The following DSCAM variants were observed in gnomAD, a reference collection of about 807,000 sequenced individuals.
DSCAM encodes the protein DS cell adhesion molecule, also known as cell adhesion molecule DSCAM.
Under a neutral mutation model 217.7 loss-of-function variants are expected in DSCAM, and 47 were observed. The observed-to-expected ratio is 0.22, with a 90% CI of 0.17 to 0.28. The LOEUF is 0.28. Ranked by LOEUF, DSCAM falls within the 10% of genes least tolerant of loss-of-function variation. The pLI is 1.00. For missense variants in DSCAM, 2,080 were observed against 2,618.3 expected (o/e 0.79, Z 4.49); for synonymous variants, 1,056 against 1,015.3 (o/e 1.04, Z -0.76).
At chr21:40,738,605 T>TC (rs1414756308) in intron 1 of DSCAM, among the ~76,000 whole-genome samples, 2 of 152,170 alleles carry the variant, frequency 1.3e-5, no homozygotes, top group Non-Finnish European at 2.9e-5. Context: ...CCAGTGTTTT[T>TC]CAAAGTGGAG....
intron 2 of DSCAM, among the ~76,000 whole-genome samples, chr21:40,703,350 T>G (rs890417001): frequency 1.3e-5 from 2 of 152,124 alleles, no homozygotes; most frequent in African/African-American, 4.8e-5. Context: ...ATTCCATCTC[T>G]ACAAAAATAA....
At chr21:40,282,196 C>T (rs940952612) in intron 10 of DSCAM, among the ~76,000 whole-genome samples, 4 of 152,104 alleles carry the variant, frequency 2.6e-5, no homozygotes, top group African/African-American at 4.8e-5. Context: ...CTATTAATGT[C>T]GTTCCCAAAG....
chr21:40,258,874 C>T (rs939470779), intron 11 of DSCAM, among the ~76,000 whole-genome samples: 3 of 152,226 alleles, frequency 2.0e-5, no homozygotes, highest in African/African-American at 7.2e-5. Context: ...CCAATGGAAA[C>T]CAGACACAGC....
chr21:40,785,477 C>T (rs1334166990), intron 1 of DSCAM, among the ~76,000 whole-genome samples: 1 of 152,198 alleles, frequency 6.6e-6, no homozygotes, highest in African/African-American at 2.4e-5. Context: ...ATACACTTAT[C>T]AGGAGAATAG....
At chr21:40,332,891 A>G (rs1366396919) in intron 8 of DSCAM, among the ~76,000 whole-genome samples, 1 of 152,192 alleles carries the variant, frequency 6.6e-6, no homozygotes, top group Non-Finnish European at 1.5e-5. Context: ...AAAAAATAGT[A>G]TTGTTTCCAA....
chr21:40,672,561 A>G (rs1366819091), intron 3 of DSCAM, among the ~76,000 whole-genome samples: 1 of 152,202 alleles, frequency 6.6e-6, no homozygotes, highest in Non-Finnish European at 1.5e-5. Flanking sequence ...AGGCCAGAGT[A>G]GTATATTCAA....
At chr21:40,719,568 T>A (rs911201354) in intron 1 of DSCAM, among the ~76,000 whole-genome samples, 1 of 152,206 alleles carries the variant, frequency 6.6e-6, no homozygotes, top group Non-Finnish European at 1.5e-5. Flanking sequence ...CGATCAATAA[T>A]AAAATTGATA....
intron 1 of DSCAM, among the ~76,000 whole-genome samples, chr21:40,764,100 C>A (rs1194124033): frequency 1.3e-5 from 2 of 152,144 alleles, no homozygotes; most frequent in Admixed American, 6.5e-5. Flanking sequence ...CAAATGGAAT[C>A]TAATTAACTA....
intron 18 of DSCAM, 132 bp downstream of exon 18, chr21:40,142,426 A>T: frequency 1.0e-6 from 1 of 968,942 alleles, no homozygotes; most frequent in Non-Finnish European, 1.5e-6. Context: ...GATGACAGAA[A>T]AGGGGAAAGT....
chr21:40,418,257 G>A (rs138920296), intron 3 of DSCAM, among the ~76,000 whole-genome samples: 1 of 152,248 alleles, frequency 6.6e-6, no homozygotes, highest in East Asian at 1.9e-4. Context: ...GGGAAGACAG[G>A]AAAGTAAGGC....
chr21:40,412,847 C>T (rs1420521615), intron 3 of DSCAM, among the ~76,000 whole-genome samples: 1 of 152,236 alleles, frequency 6.6e-6, no homozygotes, highest in Non-Finnish European at 1.5e-5. Context: ...TCTGTAGCCC[C>T]TCCCATCACA....
intron 14 of DSCAM, among the ~76,000 whole-genome samples, chr21:40,183,941 T>C (rs1376989511): frequency 1.3e-5 from 2 of 152,204 alleles, no homozygotes; most frequent in African/African-American, 4.8e-5. Flanking sequence ...CTCGTATACA[T>C]GTCAGGCACT....
intron 5 of DSCAM, 83 bp downstream of exon 5, chr21:40,353,382 A>G: frequency 6.4e-7 from 1 of 1,554,052 alleles, no homozygotes; most frequent in Non-Finnish European, 8.6e-7. Flanking sequence ...GGAAAGCTAC[A>G]GAGAAAACAT....
At chr21:40,822,145 C>T (rs1441059234) in intron 1 of DSCAM, among the ~76,000 whole-genome samples, 1 of 151,198 alleles carries the variant, frequency 6.6e-6, no homozygotes, top group African/African-American at 2.4e-5. Flanking sequence ...ATGGTGAAAC[C>T]CCGTCTCTAC....
intron 3 of DSCAM, among the ~76,000 whole-genome samples, chr21:40,371,018 T>C (rs528550861): frequency 6.6e-6 from 1 of 152,258 alleles, no homozygotes; most frequent in African/African-American, 2.4e-5. Context: ...GATCATAAAA[T>C]AACAGAGCAA....
In DSCAM at chr21:40,637,498, A is replaced by C. The variant is rs1480319803; in HGVS notation, c.508+55312T>G. On this transcript the variant is annotated intron_variant, in intron 3 of 32. Coordinates refer to ENST00000400454, the MANE Select transcript of DSCAM (RefSeq NM_001389.5). ...ATATATAAATATATAAAAATATATA[A>C]ATATATATAAATATATAAATATATA... 1.2e-4 allele frequency among the ~76,000 whole-genome samples: 4 copies of C among 34,656 alleles called. 2 individuals are homozygous for C. The allele number at this position is 34,656 out of a possible 152,430, so 22.7% of individuals were successfully genotyped here. A position where few individuals can be genotyped will look rare whatever the true frequency, so the allele number is the denominator to read the frequency against.
chr21:40,457,423 G>T (rs1244896928), intron 3 of DSCAM, among the ~76,000 whole-genome samples: 1 of 152,056 alleles, frequency 6.6e-6, no homozygotes. Flanking sequence ...GAAGCGGGAG[G>T]ATTGCTTGAG....
At chr21:40,699,386 T>C (rs768755194) in intron 2 of DSCAM, among the ~76,000 whole-genome samples, 3 of 152,202 alleles carry the variant, frequency 2.0e-5, no homozygotes, top group African/African-American at 4.8e-5. Context: ...TCTTTAAGTA[T>C]TCATGTGAAA....
At chr21:40,638,507 G>A (rs2089836351) in intron 3 of DSCAM, among the ~76,000 whole-genome samples, 2 of 152,276 alleles carry the variant, frequency 1.3e-5, no homozygotes, top group Admixed American at 1.3e-4. Context: ...GATAGCAAAG[G>A]AACTCAGAGT....
Sources: allele counts gnomAD v4.1 joint callset (sites outside exome capture counted in the v4.1 genomes callset), GRCh38; gene constraint gnomAD v4.1.1; transcripts MANE v1.5; gene names NCBI Gene and HGNC (gene_info 2026-07-23, HGNC 2026-07-21).